ARRDC5: variants seen among roughly 807,000 people sequenced by gnomAD.
The protein encoded by ARRDC5 is arrestin domain containing 5.
In ARRDC5, 12 loss-of-function variants were observed where a neutral mutation model predicts 13.3. That is an observed-to-expected ratio of 0.90 (90% CI 0.58 to 1.46). The LOEUF is 1.46. Ranked by LOEUF, ARRDC5 falls within the 40% of genes most tolerant of loss-of-function variation. The probability of loss-of-function intolerance (pLI) is 0.00; values close to 1 mark genes in which losing one functional copy is unlikely to be tolerated. For synonymous variants in ARRDC5, 181 were observed against 173.4 expected (o/e 1.04, Z -0.34); for missense variants, 406 against 418.7 (o/e 0.97, Z 0.26).
intron 1 of ARRDC5, among the ~76,000 whole-genome samples, chr19:4,901,000 C>T (rs542108672): frequency 1.1e-4 from 16 of 149,452 alleles, no homozygotes; most frequent in East Asian, 3.9e-4. Context: ...GCCTGGGCAA[C>T]GAGTGAGATT....
Position 4,902,888 on chromosome 19 carries a change from G to T in ARRDC5, c.-63C>A, listed in dbSNP as rs368136289. On this transcript the variant is annotated 5_prime_UTR_variant, in exon 1 of 3. Coordinates refer to ENST00000650722, the MANE Select transcript of ARRDC5 (RefSeq NM_001080523.3). ...CCCATGTCCCTGAAATTCCCGGTTC[G>T]TTGGCCCTAGTGAGGTAATCCATCT... The T allele has an allele frequency of 1.9e-6, 3 of 1,610,092 alleles. No homozygotes were observed. Among genetic ancestry groups the T allele is most frequent in the South Asian group, 1.1e-5 (1 of 90,714 alleles).
intron 1 of ARRDC5, among the ~76,000 whole-genome samples, chr19:4,900,165 T>A (rs2031870582): frequency 2.2e-5 from 2 of 89,980 alleles, no homozygotes; most frequent in African/African-American, 4.3e-5. Context: ...TTTTTTTTTT[T>A]GAGACGGAGT....
chr19:4,902,390 T>G (rs1032537523), intron 1 of ARRDC5, among the ~76,000 whole-genome samples, 183 bp downstream of exon 1: 2 of 152,220 alleles, frequency 1.3e-5, no homozygotes, highest in Admixed American at 6.5e-5. Context: ...CCTTATGTCT[T>G]GTTATTTTTG....
chr19:4,906,409 C>T (rs2032065502), upstream of ARRDC5, among the ~76,000 whole-genome samples: 3 of 152,206 alleles, frequency 2.0e-5, no homozygotes, highest in South Asian at 6.2e-4. Flanking sequence ...TGACACTTAA[C>T]TTCCATTATC....
At position 4,891,398 on chromosome 19, in the gene ARRDC5, A is replaced by ATACATTCGCCCTGT; in HGVS notation, c.634_635insACAGGGCGAATGTA (p.Leu212HisfsTer31). 6.2e-7 allele frequency: 1 copy of ATACATTCGCCCTGT among 1,613,438 alleles called. No individual in the cohort carries two copies. Among genetic ancestry groups the ATACATTCGCCCTGT allele is most frequent in the South Asian group, 1.1e-5 (1 of 91,082 alleles). ...GCCCTCGTACTGTATGTGGGCATAC[A>ATACATTCGCCCTGT]GGGCGAATACGACCGTCTTGATGCA... On this transcript the variant is annotated frameshift_variant, in exon 3 of 3. Transcript: ENST00000650722. LOFTEE classifies it low-confidence loss of function (END_TRUNC).
upstream of ARRDC5, among the ~76,000 whole-genome samples, chr19:4,904,264 C>T (rs1286252691): frequency 5.9e-5 from 9 of 151,938 alleles, 1 homozygote; most frequent in Admixed American, 4.6e-4. Flanking sequence ...CTGCAAGCTC[C>T]GCCTCCCGTG....
chr19:4,903,092 T>A, upstream of ARRDC5: 1 of 438,094 alleles, frequency 2.3e-6, no homozygotes, highest in East Asian at 4.1e-5. Context: ...AGGGGTGCCA[T>A]CTTGGCTCAC....
chr19:4,896,361 T>TACACACACAC lies in ARRDC5; in HGVS notation c.459+300_459+309dup, dbSNP rs71170877. On this transcript the variant is annotated intron_variant, in intron 2 of 2. Coordinates refer to ENST00000650722, the MANE Select transcript of ARRDC5 (RefSeq NM_001080523.3). ...ATATATATATATATTTTTTTTTTTTTACACACACACACACACACACACACA... is the reference window on the plus strand; with the variant it reads ...ATATATATATATATTTTTTTTTTTTTACACACACACACACACACACACACACACACACACA... Among the ~76,000 whole-genome samples, 417 of 84,936 alleles carry TACACACACAC rather than the reference T, an allele frequency of 4.9e-3. 4 individuals are homozygous for TACACACACAC. The highest frequency in any genetic ancestry group is 6.6e-3 in the African/African-American group (118 of 17,790). 55.7% of individuals were successfully genotyped at this position (84,936 alleles called of 152,430 possible).
intron 1 of ARRDC5, 139 bp from the exon 2 acceptor site, chr19:4,897,015 G>C (rs958356834): frequency 5.5e-5 from 34 of 616,520 alleles, no homozygotes; most frequent in Non-Finnish European, 8.4e-5. Flanking sequence ...GGAGTATAGT[G>C]GTGTGATCTC....
upstream of ARRDC5, among the ~76,000 whole-genome samples, chr19:4,903,974 T>C (rs79728770): frequency 5.6e-3 from 849 of 152,060 alleles, 13 homozygotes; most frequent in South Asian, 0.024. Context: ...CCCTGCATGA[T>C]TGACATTTCT....
At chr19:4,905,054 C>T (rs929116578), upstream of ARRDC5, among the ~76,000 whole-genome samples, 1 of 151,314 alleles carries the variant, frequency 6.6e-6, no homozygotes, top group African/African-American at 2.4e-5. Flanking sequence ...CCCTGACCCA[C>T]GGGCCACATT....
At chr19:4,914,370 T>C in the ARRDC5 span, among the ~76,000 whole-genome samples, 1 of 152,162 alleles carries the variant, frequency 6.6e-6, no homozygotes, top group African/African-American at 2.4e-5. Flanking sequence ...CAGTTGTCCT[T>C]ATAGAATGTT....
the ARRDC5 span, chr19:4,909,610 C>T: frequency 1.1e-5 from 7 of 629,872 alleles, no homozygotes; most frequent in African/African-American, 3.9e-5. Flanking sequence ...CATCCCCAGC[C>T]GGGCCACGCG....
At chr19:4,904,396 G>T (rs1374014879), upstream of ARRDC5, among the ~76,000 whole-genome samples, 1 of 152,092 alleles carries the variant, frequency 6.6e-6, no homozygotes, top group Non-Finnish European at 1.5e-5. Context: ...AGCCAGGATG[G>T]TCTCAATCTC....
chr19:4,911,260 C>G, the ARRDC5 span, among the ~76,000 whole-genome samples: 1 of 152,176 alleles, frequency 6.6e-6, no homozygotes. Context: ...GCGGCTGGCC[C>G]TCGAATCTAT....
chr19:4,902,803 T>C lies in ARRDC5; in HGVS notation c.23A>G (p.Glu8Gly), dbSNP rs748076276. Residue 8 changes from glutamate (E) to glycine (G), a missense_variant, in exon 1 of 3, where the codon GAA becomes GGA. Coordinates refer to ENST00000650722, the MANE Select transcript of ARRDC5 (RefSeq NM_001080523.3). ...GATTCTATCCTCGGGCAGCACTAAT[T>C]CGATCGACTTCACCACAGACATGGG... Reference protein sequence around the residue: MSVVKSIELVLPEDRIYL... With the variant: MSVVKSIGLVLPEDRIYL... 18 of 1,613,916 alleles carry C rather than the reference T, an allele frequency of 1.1e-5. No individual in the cohort carries two copies. Among genetic ancestry groups the C allele is most frequent in the Non-Finnish European group, 1.4e-5 (17 of 1,179,876 alleles).
chr19:4,902,836 G>C lies in ARRDC5; in HGVS notation c.-11C>G, dbSNP rs767704685. 12 of 1,613,730 alleles carry C rather than the reference G, an allele frequency of 7.4e-6. 1 individual carries two copies. The highest frequency in any genetic ancestry group is 1.7e-5 in the Admixed American group (1 of 59,948). On this transcript the variant is annotated 5_prime_UTR_variant, in exon 1 of 3. Coordinates refer to ENST00000650722, the MANE Select transcript of ARRDC5 (RefSeq NM_001080523.3). ...CTTCACCACAGACATGGGGGGTTGG[G>C]GGGTAGAGAGACATTCCTCTCTGTC...
At chr19:4,894,639 G>A (rs139042964) in intron 2 of ARRDC5, among the ~76,000 whole-genome samples, 2,814 of 143,162 alleles carry the variant, frequency 0.02, 40 homozygotes, top group South Asian at 0.066. Context: ...AGCCGAGATC[G>A]CGCCACTGCC....
At chr19:4,915,816 CAGTT>C in the ARRDC5 span, among the ~76,000 whole-genome samples, 32 of 152,224 alleles carry the variant, frequency 2.1e-4, 1 homozygote, top group African/African-American at 7.0e-4. Context: ...AATCCAGCCT[CAGTT>C]GGTGTGTCTG....
Sources: allele counts gnomAD v4.1 joint callset (sites outside exome capture counted in the v4.1 genomes callset), GRCh38; gene constraint gnomAD v4.1.1; transcripts MANE v1.5; gene names NCBI Gene and HGNC (gene_info 2026-07-23, HGNC 2026-07-21).